The following CNTN4 variants were observed in gnomAD, a reference collection of about 807,000 sequenced individuals.
CNTN4 encodes the protein contactin 4.
A neutral mutation model predicts 122.5 loss-of-function variants in CNTN4; 77 were observed. The observed-to-expected ratio is 0.63, with a 90% CI of 0.52 to 0.76. CNTN4 has a LOEUF of 0.76. Ranked by LOEUF, CNTN4 falls within the 30% of genes least tolerant of loss-of-function variation. The pLI, the probability that CNTN4 is intolerant of heterozygous loss-of-function variation, is 0.00. For missense variants in CNTN4, 1,256 were observed against 1,259.1 expected (o/e 1.00, Z 0.04); for synonymous variants, 512 against 447.0 (o/e 1.15, Z -1.83).
intron 6 of CNTN4, among the ~76,000 whole-genome samples, chr3:2,807,707 A>C (rs2092503291): frequency 6.8e-6 from 1 of 146,292 alleles, no homozygotes; most frequent in Non-Finnish European, 1.5e-5. Flanking sequence ...CATGACTGGC[A>C]TTTTTTAATG....
Position 3,030,592 on chromosome 3 carries a change from CGTCCTT to C in CNTN4, c.1663-262_1663-257del, listed in dbSNP as rs548378517. ...TAGGACTTATGTAGCATGTAACTTA[CGTCCTT>C]CCGACATGGGTGCCAAACTGCTCCA... On this transcript the variant is annotated intron_variant, in intron 15 of 24. Transcript: ENST00000418658. 1.3e-4 allele frequency among the ~76,000 whole-genome samples: 20 copies of C among 152,308 alleles called. No homozygotes were observed. The South Asian group carries it at 4.1e-3, about 32-fold the overall frequency.
intron 12 of CNTN4, among the ~76,000 whole-genome samples, chr3:2,925,077 C>T (rs747447564): frequency 9.9e-5 from 15 of 152,156 alleles, no homozygotes; most frequent in Non-Finnish European, 2.2e-4. Context: ...TGAGAATATT[C>T]TGTGTCTTGA....
At chr3:2,555,390 G>GTAC (rs1251434680) in intron 3 of CNTN4, among the ~76,000 whole-genome samples, 2 of 152,150 alleles carry the variant, frequency 1.3e-5, no homozygotes, top group Non-Finnish European at 2.9e-5. Flanking sequence ...TATTTACCAT[G>GTAC]TACGATATTT....
intron 12 of CNTN4, among the ~76,000 whole-genome samples, chr3:2,909,667 A>T (rs1305722347): frequency 6.6e-6 from 1 of 152,286 alleles, no homozygotes; most frequent in Non-Finnish European, 1.5e-5. Context: ...TTTGAGAACT[A>T]TTGCTTTAAT....
At chr3:2,695,408 A>T (rs2085973117) in intron 4 of CNTN4, among the ~76,000 whole-genome samples, 1 of 152,140 alleles carries the variant, frequency 6.6e-6, no homozygotes, top group South Asian at 2.1e-4. Context: ...TACATTACAC[A>T]CCCTACCCCC....
At chr3:2,183,204 TG>T (rs1016272574) in intron 2 of CNTN4, among the ~76,000 whole-genome samples, 37 of 218 alleles carry the variant, frequency 0.17, no homozygotes, top group African/African-American at 0.33. Context: ...ATCTTATACA[TG>T]ATATGACAGC....
At chr3:2,493,497 T>C (rs1303951706) in intron 3 of CNTN4, among the ~76,000 whole-genome samples, 3 of 150,134 alleles carry the variant, frequency 2.0e-5, no homozygotes, top group Non-Finnish European at 3.0e-5. Context: ...ACGGATCTAG[T>C]TGGTGTCTTC....
intron 4 of CNTN4, among the ~76,000 whole-genome samples, chr3:2,718,395 C>A (rs1167870362): frequency 6.6e-6 from 1 of 152,156 alleles, no homozygotes; most frequent in African/African-American, 2.4e-5. Context: ...AGCATATTAA[C>A]TGACAAGGGC....
At chr3:2,576,611 G>A (rs1373431351) in intron 4 of CNTN4, among the ~76,000 whole-genome samples, 4 of 148,612 alleles carry the variant, frequency 2.7e-5, no homozygotes, top group Non-Finnish European at 4.4e-5. Context: ...GCAGTGGCAC[G>A]ATCTTGGCTC....
At chr3:2,836,865 T>C (rs1315254920) in intron 7 of CNTN4, among the ~76,000 whole-genome samples, 1 of 152,100 alleles carries the variant, frequency 6.6e-6, no homozygotes, top group African/African-American at 2.4e-5. Context: ...TATATATCTA[T>C]GTAACAAACC....
chr3:2,471,537 A>T (rs1229692423), intron 3 of CNTN4, among the ~76,000 whole-genome samples: 2 of 152,136 alleles, frequency 1.3e-5, no homozygotes, highest in Admixed American at 1.3e-4. Context: ...AAAAATTATT[A>T]TTTCCCTTCC....
intron 6 of CNTN4, among the ~76,000 whole-genome samples, chr3:2,747,131 C>A (rs1437269871): frequency 6.6e-6 from 1 of 151,232 alleles, no homozygotes; most frequent in Non-Finnish European, 1.5e-5. Context: ...TGTATCTGGG[C>A]CAGCGCGGTG....
chr3:2,818,738 G>A (rs1255852492), intron 6 of CNTN4, among the ~76,000 whole-genome samples: 1 of 152,148 alleles, frequency 6.6e-6, no homozygotes, highest in Non-Finnish European at 1.5e-5. Flanking sequence ...GTTTATAAAT[G>A]TCTTATCTCT....
chr3:2,317,666 C>G (rs2043150501), intron 2 of CNTN4, among the ~76,000 whole-genome samples: 1 of 152,152 alleles, frequency 6.6e-6, no homozygotes, highest in South Asian at 2.1e-4. Flanking sequence ...GTTAATCTGT[C>G]AATTTTTCTC....
intron 13 of CNTN4, among the ~76,000 whole-genome samples, chr3:2,949,783 T>C (rs911626359): frequency 6.6e-6 from 1 of 152,214 alleles, no homozygotes; most frequent in Admixed American, 6.5e-5. Context: ...TTAACTTTGC[T>C]TTTTTGAAAC....
intron 2 of CNTN4, among the ~76,000 whole-genome samples, chr3:2,150,952 A>C (rs534841880): frequency 6.6e-6 from 1 of 152,164 alleles, no homozygotes; most frequent in Non-Finnish European, 1.5e-5. Context: ...TTGAGTTCCT[A>C]CTGGTCCACC....
chr3:2,289,846 C>T (rs187474159), intron 2 of CNTN4, among the ~76,000 whole-genome samples: 63 of 152,242 alleles, frequency 4.1e-4, no homozygotes, highest in African/African-American at 1.4e-3. Flanking sequence ...ACGATAGTGG[C>T]TGAATAACAT....
intron 14 of CNTN4, among the ~76,000 whole-genome samples, chr3:3,003,831 C>T (rs1008966908): frequency 2.6e-4 from 39 of 152,042 alleles, no homozygotes; most frequent in Admixed American, 2.1e-3. Flanking sequence ...CTCACTGCAG[C>T]CTTGACCTCC....
At chr3:2,813,601 C>T (rs1470587078) in intron 6 of CNTN4, among the ~76,000 whole-genome samples, 1 of 152,108 alleles carries the variant, frequency 6.6e-6, no homozygotes, top group Admixed American at 6.6e-5. Flanking sequence ...AGTCATCCCA[C>T]CCTGTGAATA....
Sources: gnomAD v4.1 joint callset for allele counts (sites outside exome capture counted in the v4.1 genomes callset) on GRCh38, gnomAD v4.1.1 for gene constraint, MANE v1.5 for transcripts, NCBI Gene and HGNC (gene_info 2026-07-23, HGNC 2026-07-21) for gene names.